CTNND2: variants seen among roughly 807,000 people sequenced by gnomAD.
CTNND2 encodes the protein catenin delta 2.
Under a neutral mutation model 144.4 loss-of-function variants are expected in CTNND2, and 22 were observed. The ratio of observed to expected loss-of-function variants is 0.15; its 90% CI spans 0.11 to 0.22. The LOEUF is 0.22. CTNND2 is among the 10% of genes least tolerant of loss of function. The probability of loss-of-function intolerance (pLI) is 1.00; values close to 1 mark genes in which losing one functional copy is unlikely to be tolerated. For synonymous variants in CTNND2, 751 were observed against 695.6 expected (o/e 1.08, Z -1.25); for missense variants, 1,353 against 1,618.8 (o/e 0.84, Z 2.82).
intron 1 of CTNND2, among the ~76,000 whole-genome samples, chr5:11,751,052 T>G (rs1026683086): frequency 4.6e-5 from 7 of 151,784 alleles, no homozygotes; most frequent in Admixed American, 4.6e-4. Context: ...TATCAGGAAA[T>G]TAAAGAAACA....
chr5:11,717,021 C>G (rs1343331837), intron 2 of CTNND2, among the ~76,000 whole-genome samples: 3 of 151,954 alleles, frequency 2.0e-5, no homozygotes, highest in Non-Finnish European at 2.9e-5. Context: ...GTGTGCACCA[C>G]AATGCCCAGC....
chr5:11,296,094 A>AGGG (rs1465431502), intron 9 of CTNND2, among the ~76,000 whole-genome samples: 24,646 of 109,502 alleles, frequency 0.23, 3,477 homozygotes, highest in Middle Eastern at 0.32. Context: ...TCTGACAAGT[A>AGGG]CTAATATCCA....
intron 9 of CTNND2, among the ~76,000 whole-genome samples, chr5:11,319,094 T>A (rs1466986787): frequency 6.6e-6 from 1 of 152,152 alleles, no homozygotes; most frequent in Non-Finnish European, 1.5e-5. Flanking sequence ...CTCACTTCTA[T>A]GGCTTTCCCT....
intron 2 of CTNND2, among the ~76,000 whole-genome samples, chr5:11,644,095 C>T (rs570755133): frequency 4.6e-5 from 7 of 152,106 alleles, no homozygotes; most frequent in African/African-American, 1.4e-4. Context: ...CTTAGTCTAG[C>T]GGCCGACTTT....
chr5:11,478,379 A>G (rs1242186498), intron 3 of CTNND2, among the ~76,000 whole-genome samples: 1 of 152,194 alleles, frequency 6.6e-6, no homozygotes, highest in Non-Finnish European at 1.5e-5. Context: ...CAAATTGCTC[A>G]TGTCCCTTGC....
chr5:11,234,388 A>G (rs971524681), intron 10 of CTNND2, among the ~76,000 whole-genome samples: 1 of 152,268 alleles, frequency 6.6e-6, no homozygotes, highest in African/African-American at 2.4e-5. Flanking sequence ...TAATTCTTGC[A>G]AAGATTCTAC....
At chr5:11,568,258 T>A (rs1338429311) in intron 2 of CTNND2, among the ~76,000 whole-genome samples, 1 of 152,184 alleles carries the variant, frequency 6.6e-6, no homozygotes, top group Non-Finnish European at 1.5e-5. Context: ...AAAGGGCACC[T>A]TGCCTTTCTG....
At chr5:11,476,566 A>G (rs983992891) in intron 3 of CTNND2, among the ~76,000 whole-genome samples, 1 of 152,136 alleles carries the variant, frequency 6.6e-6, no homozygotes, top group Admixed American at 6.6e-5. Flanking sequence ...CACGCCTAAC[A>G]ATCTTCCCCA....
At chr5:11,874,457 T>C (rs1338710892) in intron 1 of CTNND2, among the ~76,000 whole-genome samples, 2 of 152,156 alleles carry the variant, frequency 1.3e-5, no homozygotes, top group Admixed American at 6.5e-5. Flanking sequence ...ACAAGTATGA[T>C]ATACCAGCAT....
intron 3 of CTNND2, among the ~76,000 whole-genome samples, chr5:11,494,683 A>G (rs1255922847): frequency 1.3e-5 from 2 of 152,188 alleles, no homozygotes; most frequent in African/African-American, 4.8e-5. Context: ...TACTTCTGAT[A>G]GGTTTCAGAA....
intron 1 of CTNND2, among the ~76,000 whole-genome samples, chr5:11,738,816 G>T (rs1241843933): frequency 6.6e-6 from 1 of 151,986 alleles, no homozygotes; most frequent in Non-Finnish European, 1.5e-5. Flanking sequence ...CCATTATATG[G>T]GTTTGCTCCT....
intron 15 of CTNND2, among the ~76,000 whole-genome samples, chr5:11,085,578 A>G (rs2149641573): frequency 6.6e-6 from 1 of 152,332 alleles, no homozygotes; most frequent in African/African-American, 2.4e-5. Flanking sequence ...TGTTGTCAGC[A>G]TGGGACAGAG....
At chr5:11,303,029 A>G (rs1474233361) in intron 9 of CTNND2, among the ~76,000 whole-genome samples, 2 of 152,188 alleles carry the variant, frequency 1.3e-5, no homozygotes, top group Non-Finnish European at 2.9e-5. Context: ...GTCACTCCTC[A>G]GCACATGGTG....
At chr5:11,292,592 ACT>A (rs1324119128) in intron 9 of CTNND2, among the ~76,000 whole-genome samples, 5 of 151,476 alleles carry the variant, frequency 3.3e-5, no homozygotes, top group Non-Finnish European at 7.4e-5. Flanking sequence ...TCCTTCACAC[ACT>A]CTCTCTTGCC....
rs531807962 is a variant in CTNND2, at chr5:11,837,021, T to C, written c.37+66796A>G. Among the ~76,000 whole-genome samples the C allele has an allele frequency of 1.2e-3, 177 of 152,326 alleles. 1 individual carries two copies. The highest frequency in any genetic ancestry group is 3.4e-3 in the Middle Eastern group (1 of 294). On this transcript the variant is annotated intron_variant, in intron 1 of 21. Transcript: ENST00000304623. ...TAGGATATGAGAACAGAAGGGGATG[T>C]AGTTTCAAAGAATAATCAGGGAATC...
chr5:11,168,855 G>A (rs1759616349), intron 11 of CTNND2, among the ~76,000 whole-genome samples: 2 of 151,902 alleles, frequency 1.3e-5, no homozygotes, highest in Admixed American at 6.6e-5. Flanking sequence ...GAGATTTAAA[G>A]ACAAAATACC....
At chr5:11,069,151 G>C (rs1747952370) in intron 16 of CTNND2, among the ~76,000 whole-genome samples, 2 of 152,200 alleles carry the variant, frequency 1.3e-5, no homozygotes, top group Admixed American at 1.3e-4. Context: ...GAAAGGTATT[G>C]TTCTTATTCC....
At chr5:11,732,022 T>G (rs1787413668) in intron 2 of CTNND2, 114 bp downstream of exon 2, 1 of 908,510 alleles carries the variant, frequency 1.1e-6, no homozygotes, top group African/African-American at 1.7e-5. Flanking sequence ...ATACCAACAC[T>G]CTGCTACATG....
intron 1 of CTNND2, among the ~76,000 whole-genome samples, chr5:11,866,303 T>TA (rs981285274): frequency 5.3e-5 from 8 of 152,158 alleles, no homozygotes; most frequent in African/African-American, 2.4e-5. Flanking sequence ...ACGTTGTCTC[T>TA]AAAAAAACCT....
Sources: gnomAD v4.1 joint callset for allele counts (sites outside exome capture counted in the v4.1 genomes callset) on GRCh38, gnomAD v4.1.1 for gene constraint, MANE v1.5 for transcripts, NCBI Gene and HGNC (gene_info 2026-07-23, HGNC 2026-07-21) for gene names.